ZNG1B: variants seen among roughly 807,000 people sequenced by gnomAD.
The protein encoded by ZNG1B is Zn regulated GTPase metalloprotein activator 1B, also known as zinc-regulated GTPase metalloprotein activator 1B.
At chr2:113,447,872 A>G in the ZNG1B span, 2 of 453,858 alleles carry the variant, frequency 4.4e-6, no homozygotes, top group Admixed American at 2.4e-5. Context: ...TAGTTCTCTT[A>G]CTGTTTCCAC....
At chr2:113,469,842 G>A in the ZNG1B span, 2 of 149,520 alleles carry the variant, frequency 1.3e-5, no homozygotes, top group Admixed American at 1.3e-4. Context: ...TCTTGAATCT[G>A]ACCAATGATG....
At chr2:113,456,343 C>G in the ZNG1B span, among the ~76,000 whole-genome samples, 1 of 151,754 alleles carries the variant, frequency 6.6e-6, no homozygotes, top group African/African-American at 2.4e-5. Context: ...CAAAAAAGCC[C>G]CAAATTATTC....
chr2:113,456,765 A>T, the ZNG1B span, among the ~76,000 whole-genome samples: 1 of 152,230 alleles, frequency 6.6e-6, no homozygotes, highest in Non-Finnish European at 1.5e-5. Flanking sequence ...CAGATAAATA[A>T]CTTTGCTTTG....
chr2:113,439,197 A>G, the ZNG1B span: 3 of 1,331,800 alleles, frequency 2.3e-6, no homozygotes, highest in Admixed American at 2.3e-5. Flanking sequence ...TGCTGAATCT[A>G]GGGATAGTTT....
chr2:113,453,246 T>C, the ZNG1B span: 2 of 1,588,660 alleles, frequency 1.3e-6, no homozygotes, highest in African/African-American at 1.4e-5. Flanking sequence ...TTTTGTTTTT[T>C]TTTTTATTTT....
the ZNG1B span, chr2:113,470,384 A>C: frequency 6.6e-6 from 1 of 152,144 alleles, no homozygotes; most frequent in Non-Finnish European, 1.5e-5. Flanking sequence ...ACCAAACCTA[A>C]TGCTAATTGT....
the ZNG1B span, among the ~76,000 whole-genome samples, chr2:113,463,469 C>T: frequency 6.6e-6 from 1 of 152,000 alleles, no homozygotes. Context: ...AGATTATTTG[C>T]CATGATTAAT....
chr2:113,437,830 C>T, the ZNG1B span: 6 of 1,611,018 alleles, frequency 3.7e-6, no homozygotes, highest in Admixed American at 8.3e-5. Flanking sequence ...GTGTTGGTCC[C>T]AGCGGTTCAG....
chr2:113,456,009 C>T, the ZNG1B span, among the ~76,000 whole-genome samples: 2 of 151,770 alleles, frequency 1.3e-5, no homozygotes, highest in East Asian at 1.9e-4. Context: ...TGAGCCACCA[C>T]GCCCGGCCTG....
At chr2:113,478,178 T>A in the ZNG1B span, among the ~76,000 whole-genome samples, 12 of 152,142 alleles carry the variant, frequency 7.9e-5, no homozygotes, top group African/African-American at 2.7e-4. Context: ...TGTCTCTGGG[T>A]ATTTTGAATT....
At chr2:113,487,168 T>A in the ZNG1B span, among the ~76,000 whole-genome samples, 1 of 152,238 alleles carries the variant, frequency 6.6e-6, no homozygotes, top group Non-Finnish European at 1.5e-5. Flanking sequence ...CTTACCATTG[T>A]GTTATCATTT....
At chr2:113,495,914 A>G in the ZNG1B span, 1 of 750,854 alleles carries the variant, frequency 1.3e-6, no homozygotes, top group Non-Finnish European at 2.0e-6. Flanking sequence ...AACATTTAAC[A>G]TTCATACAGT....
chr2:113,486,749 C>T, the ZNG1B span, among the ~76,000 whole-genome samples: 2 of 152,100 alleles, frequency 1.3e-5, no homozygotes, highest in African/African-American at 4.8e-5. Flanking sequence ...GAGTGAGACC[C>T]CATCTCAAAA....
the ZNG1B span, chr2:113,444,184 G>C: frequency 2.2e-6 from 1 of 460,886 alleles, no homozygotes; most frequent in African/African-American, 1.9e-5. Context: ...ATATTTCTAA[G>C]TGTTCAACCT....
chr2:113,489,419 C>T, the ZNG1B span, among the ~76,000 whole-genome samples: 1 of 152,014 alleles, frequency 6.6e-6, no homozygotes, highest in Admixed American at 6.6e-5. Context: ...ATCACAGGAC[C>T]TATAAAACAA....
At chr2:113,450,388 C>T in the ZNG1B span, among the ~76,000 whole-genome samples, 1 of 148,842 alleles carries the variant, frequency 6.7e-6, no homozygotes, top group South Asian at 2.1e-4. Flanking sequence ...GTCAATAATT[C>T]TGTTTTCTCC....
At chr2:113,446,774 AC>A in the ZNG1B span, among the ~76,000 whole-genome samples, 3 of 53,252 alleles carry the variant, frequency 5.6e-5, no homozygotes, top group Non-Finnish European at 1.1e-4. Context: ...ATGCACACGC[AC>A]ACACACACAC....
chr2:113,471,237 G>A, the ZNG1B span: 1 of 1,343,222 alleles, frequency 7.4e-7, no homozygotes, highest in Non-Finnish European at 1.0e-6. Flanking sequence ...GTATATTCTT[G>A]GAAGTTTTAC....
the ZNG1B span, among the ~76,000 whole-genome samples, chr2:113,449,967 C>A: frequency 1.3e-5 from 2 of 149,142 alleles, no homozygotes; most frequent in African/African-American, 4.9e-5. Flanking sequence ...TTTGGGAACA[C>A]TTTCATTAGA....
Sources: allele counts gnomAD v4.1 joint callset (sites outside exome capture counted in the v4.1 genomes callset), GRCh38; gene constraint gnomAD v4.1.1; transcripts MANE v1.5; gene names NCBI Gene and HGNC (gene_info 2026-07-23, HGNC 2026-07-21).